Variants in LRMDA observed in about 807,000 individuals in gnomAD.
LRMDA encodes the protein leucine rich melanocyte differentiation associated.
LRMDA carries 18 observed loss-of-function variants against 29.8 expected under a neutral mutation model. The ratio of observed to expected loss-of-function variants is 0.60; its 90% CI spans 0.42 to 0.90. The LOEUF (loss-of-function observed/expected upper bound fraction) is 0.90. Among genes scored for constraint, LRMDA ranks in the 40% least tolerant of loss-of-function variants. The pLI is 0.00. For synonymous variants in LRMDA, 125 were observed against 109.4 expected (o/e 1.14, Z -0.89); for missense variants, 273 against 273.9 (o/e 1.00, Z 0.02).
intron 2 of LRMDA, among the ~76,000 whole-genome samples, chr10:75,958,873 C>T (rs528205328): frequency 6.6e-6 from 1 of 152,252 alleles, no homozygotes; most frequent in African/African-American, 2.4e-5. Context: ...AAAGGCACAT[C>T]GTACATGGTG....
At chr10:76,100,650 A>G (rs1277118529) in intron 5 of LRMDA, among the ~76,000 whole-genome samples, 1 of 152,190 alleles carries the variant, frequency 6.6e-6, no homozygotes, top group African/African-American at 2.4e-5. Context: ...CAGGGGTTGA[A>G]GTCTTTCATT....
intron 2 of LRMDA, among the ~76,000 whole-genome samples, chr10:75,635,209 A>G (rs1841376105): frequency 6.6e-6 from 1 of 152,204 alleles, no homozygotes; most frequent in Non-Finnish European, 1.5e-5. Context: ...AGTAATTGAT[A>G]AATGACAGGC....
chr10:75,476,869 A>T (rs971324182), intron 2 of LRMDA, among the ~76,000 whole-genome samples: 5 of 151,934 alleles, frequency 3.3e-5, no homozygotes, highest in African/African-American at 1.2e-4. Context: ...AGGAGAATTG[A>T]TTTCTTCTGA....
chr10:76,012,673 A>G (rs938486368), intron 2 of LRMDA, among the ~76,000 whole-genome samples: 3 of 152,182 alleles, frequency 2.0e-5, no homozygotes, highest in African/African-American at 7.2e-5. Context: ...GCGTGCATGC[A>G]CACATATGCA....
chr10:75,941,490 A>G (rs1324134314), intron 2 of LRMDA, among the ~76,000 whole-genome samples: 3 of 152,236 alleles, frequency 2.0e-5, no homozygotes, highest in Non-Finnish European at 4.4e-5. Context: ...TGTTGGCGCC[A>G]TGGTTTGCTT....
At chr10:75,572,570 T>G (rs1840450989) in intron 2 of LRMDA, among the ~76,000 whole-genome samples, 1 of 152,234 alleles carries the variant, frequency 6.6e-6, no homozygotes, top group Non-Finnish European at 1.5e-5. Context: ...ACTATTAATT[T>G]TGTACATCTT....
intron 2 of LRMDA, among the ~76,000 whole-genome samples, chr10:75,931,356 C>T (rs1846202452): frequency 6.6e-6 from 1 of 152,144 alleles, no homozygotes. Flanking sequence ...AATAACTGTT[C>T]ATGTGTCTAA....
chr10:76,367,626 G>A (rs1042689113), intron 6 of LRMDA, among the ~76,000 whole-genome samples: 8 of 152,032 alleles, frequency 5.3e-5, no homozygotes, highest in African/African-American at 1.4e-4. Flanking sequence ...GTTTCTCCAT[G>A]TTCATCAGGC....
chr10:76,145,153 C>CT (rs1278822261), intron 5 of LRMDA, among the ~76,000 whole-genome samples: 1 of 152,042 alleles, frequency 6.6e-6, no homozygotes, highest in Non-Finnish European at 1.5e-5. Context: ...CTAAAATTCT[C>CT]TTTTTTGGTT....
At chr10:76,049,279 G>T (rs965967554) in intron 4 of LRMDA, among the ~76,000 whole-genome samples, 4 of 152,168 alleles carry the variant, frequency 2.6e-5, no homozygotes, top group Admixed American at 1.3e-4. Flanking sequence ...TGACAAAGTT[G>T]CCATGAGAGG....
intron 2 of LRMDA, among the ~76,000 whole-genome samples, chr10:76,025,644 T>G (rs961585681): frequency 1.2e-4 from 19 of 152,142 alleles, no homozygotes; most frequent in African/African-American, 4.3e-4. Flanking sequence ...CAAATCAGCT[T>G]TCTGGACTGT....
rs113420141 is a variant in LRMDA at position 76,084,194 on chromosome 10, C to CTATTTATTTATTTATT, written c.516+25417_516+25432dup. Among the ~76,000 whole-genome samples, 960 of 150,700 alleles carry CTATTTATTTATTTATT rather than the reference C, an allele frequency of 6.4e-3. 13 individuals carry two copies. Among genetic ancestry groups the CTATTTATTTATTTATT allele is most frequent in the African/African-American group, 0.022 (910 of 40,668 alleles). On this transcript the variant is annotated intron_variant, in intron 5 of 6. Transcript: ENST00000611255. The stretch of plus-strand genomic sequence containing the variant: ...TGTTTTTTCTTTTCTTTTCTTTTCT[C>CTATTTATTTATTTATT]TATTTATTTATTTATTTATTTGAGA...
chr10:76,234,262 CT>C lies in LRMDA; in HGVS notation c.517-90131del, dbSNP rs576508917. ...TGAGCAGTAATATTTTGAAAGAAAT[CT>C]TTTTTTTCTGAGCAGTAGGTCTCAA... On this transcript the variant is annotated intron_variant, in intron 5 of 6. Coordinates refer to ENST00000611255, the MANE Select transcript of LRMDA (RefSeq NM_001305581.2). Among the ~76,000 whole-genome samples the C allele has an allele frequency of 3.3e-5, 5 of 152,042 alleles. No individual in the cohort carries two copies. The South Asian group carries it at 1.0e-3, about 32-fold the overall frequency.
chr10:76,442,774 C>T (rs1347327216), intron 6 of LRMDA, among the ~76,000 whole-genome samples: 2 of 152,230 alleles, frequency 1.3e-5, no homozygotes, highest in Non-Finnish European at 2.9e-5. Flanking sequence ...TCTTTTTAGG[C>T]GTGCATAGAA....
chr10:76,363,663 C>A (rs1841356884), intron 6 of LRMDA, among the ~76,000 whole-genome samples: 4 of 151,974 alleles, frequency 2.6e-5, no homozygotes, highest in Admixed American at 2.6e-4. Context: ...CTTTTCCCCT[C>A]CCCCACCTCC....
chr10:76,270,955 A>G (rs1840061252), intron 5 of LRMDA, among the ~76,000 whole-genome samples: 1 of 152,190 alleles, frequency 6.6e-6, no homozygotes, highest in African/African-American at 2.4e-5. Flanking sequence ...CATCAATAAC[A>G]ATTATTATTT....
chr10:75,473,299 G>C (rs1286345703), intron 2 of LRMDA, among the ~76,000 whole-genome samples: 1 of 152,244 alleles, frequency 6.6e-6, no homozygotes, highest in Admixed American at 6.5e-5. Flanking sequence ...AGTCAAGGAT[G>C]AAAGCTCCAG....
intron 2 of LRMDA, among the ~76,000 whole-genome samples, chr10:75,759,066 G>A (rs1202429673): frequency 6.6e-6 from 1 of 151,952 alleles, no homozygotes; most frequent in Non-Finnish European, 1.5e-5. Context: ...CCATAGGAAA[G>A]CACTAACCTT....
At chr10:76,237,542 A>G (rs1852174784) in intron 5 of LRMDA, among the ~76,000 whole-genome samples, 2 of 152,152 alleles carry the variant, frequency 1.3e-5, no homozygotes, top group Admixed American at 1.3e-4. Context: ...TTCTCCTGTG[A>G]CTTTGGTGGC....
Sources: allele counts gnomAD v4.1 joint callset (sites outside exome capture counted in the v4.1 genomes callset), GRCh38; gene constraint gnomAD v4.1.1; transcripts MANE v1.5; gene names NCBI Gene and HGNC (gene_info 2026-07-23, HGNC 2026-07-21).